Variants in COL5A2 observed in about 807,000 individuals in gnomAD.
COL5A2 encodes collagen type V alpha 2 chain.
A neutral mutation model predicts 208.2 loss-of-function variants in COL5A2; 23 were observed. That is an observed-to-expected ratio of 0.11 (90% CI 0.08 to 0.16). The LOEUF is 0.16. COL5A2 is among the 10% of genes least tolerant of loss of function. The probability of loss-of-function intolerance (pLI) is 1.00; values close to 1 mark genes in which losing one functional copy is unlikely to be tolerated. For missense variants in COL5A2, 1,590 were observed against 1,956.4 expected (o/e 0.81, Z 3.53); for synonymous variants, 625 against 628.5 (o/e 0.99, Z 0.08).
At chr2:189,262,580 C>A in the COL5A2 span, among the ~76,000 whole-genome samples, 1 of 151,954 alleles carries the variant, frequency 6.6e-6, no homozygotes, top group Non-Finnish European at 1.5e-5. Context: ...GCTCAGTCTT[C>A]TTTATAAAAA....
chr2:189,083,421 T>C (rs1041485350), intron 12 of COL5A2, among the ~76,000 whole-genome samples: 1 of 151,982 alleles, frequency 6.6e-6, no homozygotes, highest in African/African-American at 2.4e-5. Flanking sequence ...TCAGTGTAAA[T>C]TGTCATGATT....
the COL5A2 span, among the ~76,000 whole-genome samples, chr2:189,276,324 T>C: frequency 6.6e-6 from 1 of 152,202 alleles, no homozygotes; most frequent in South Asian, 2.1e-4. Context: ...AGGGCTTTTA[T>C]TCACTATGTG....
chr2:189,284,786 C>T, the COL5A2 span, among the ~76,000 whole-genome samples: 22 of 152,134 alleles, frequency 1.4e-4, no homozygotes, highest in Middle Eastern at 0.01. Context: ...CTTATACAAA[C>T]GTAGATAGTA....
Position 189,048,368 on chromosome 2 carries a change from C to G in COL5A2, c.3148-106G>C, listed in dbSNP as rs1685714936. 3.1e-6 allele frequency: 3 copies of G among 976,358 alleles called. No homozygotes were observed. In the Admixed American group the frequency reaches 5.8e-5, roughly 19 times the overall value. 60.5% of individuals were successfully genotyped at this position (976,358 alleles called of 1,614,324 possible). ...ATGTTTTACACCTGTGTTTTATAAACTGTCAGTTAGCATTTATGCAAATGT... is the reference window on the plus strand; with the variant it reads ...ATGTTTTACACCTGTGTTTTATAAAGTGTCAGTTAGCATTTATGCAAATGT... On this transcript the variant is annotated intron_variant, in intron 44 of 53. Coordinates refer to ENST00000374866, the MANE Select transcript of COL5A2 (RefSeq NM_000393.5).
At chr2:189,359,225 T>G in the COL5A2 span, among the ~76,000 whole-genome samples, 4 of 152,278 alleles carry the variant, frequency 2.6e-5, no homozygotes, top group South Asian at 8.3e-4. Context: ...AATATGGTCT[T>G]TATTTTGTTG....
intron 1 of COL5A2, among the ~76,000 whole-genome samples, chr2:189,196,025 C>T (rs1029192432): frequency 1.3e-5 from 2 of 152,078 alleles, no homozygotes; most frequent in African/African-American, 2.4e-5. Flanking sequence ...AGGCAATCTA[C>T]AGAATGGGAG....
At chr2:189,134,514 G>A (rs4428040) in intron 1 of COL5A2, among the ~76,000 whole-genome samples, 89,689 of 151,660 alleles carry the variant, frequency 0.59, 27,977 homozygotes, top group East Asian at 0.78. Context: ...GCTTGAACTC[G>A]GATGGCGGAG....
chr2:189,311,319 G>A, the COL5A2 span: 3 of 1,109,818 alleles, frequency 2.7e-6, no homozygotes, highest in East Asian at 7.0e-5. Flanking sequence ...TCCACTATCT[G>A]GCAGGTGGTG....
At chr2:189,362,197 T>C in the COL5A2 span, among the ~76,000 whole-genome samples, 1 of 152,108 alleles carries the variant, frequency 6.6e-6, no homozygotes. Context: ...CTTGAATCTT[T>C]TGAAAAAGCT....
chr2:189,346,188 T>C, the COL5A2 span, among the ~76,000 whole-genome samples: 26 of 152,168 alleles, frequency 1.7e-4, no homozygotes, highest in Non-Finnish European at 3.5e-4. Flanking sequence ...GTAAAGAAAA[T>C]TGGATTGGGG....
At chr2:189,163,500 C>T (rs572390515) in intron 1 of COL5A2, among the ~76,000 whole-genome samples, 1 of 152,260 alleles carries the variant, frequency 6.6e-6, no homozygotes, top group Admixed American at 6.5e-5. Flanking sequence ...CATCTAGGAA[C>T]TTTATTGTAG....
At chr2:189,072,661 A>G (rs2105614872) in intron 17 of COL5A2, among the ~76,000 whole-genome samples, 1 of 150,144 alleles carries the variant, frequency 6.7e-6, no homozygotes, top group South Asian at 2.1e-4. Context: ...AATCCCAGCT[A>G]CTTGGGAGGC....
At chr2:189,225,946 G>T (rs1689411648), upstream of COL5A2, among the ~76,000 whole-genome samples, 1 of 152,108 alleles carries the variant, frequency 6.6e-6, no homozygotes, top group Non-Finnish European at 1.5e-5. Context: ...TTAATTCCCA[G>T]TTCTTCTATT....
chr2:189,322,776 G>A, the COL5A2 span, among the ~76,000 whole-genome samples: 13 of 152,252 alleles, frequency 8.5e-5, 1 homozygote, highest in South Asian at 2.7e-3. Flanking sequence ...CATTCCTTCC[G>A]AAACTACTCC....
intron 3 of COL5A2, among the ~76,000 whole-genome samples, chr2:189,102,034 C>T (rs1461728354): frequency 6.6e-6 from 1 of 151,902 alleles, no homozygotes; most frequent in Admixed American, 6.6e-5. Context: ...AGATATTTTT[C>T]AAAATGCTGA....
chr2:189,341,567 T>C, the COL5A2 span, among the ~76,000 whole-genome samples: 3 of 152,254 alleles, frequency 2.0e-5, no homozygotes, highest in South Asian at 4.1e-4. Context: ...AGGGACAAAC[T>C]AAGAACAAGC....
chr2:189,322,361 A>G, the COL5A2 span, among the ~76,000 whole-genome samples: 4 of 152,174 alleles, frequency 2.6e-5, no homozygotes, highest in South Asian at 8.3e-4. Flanking sequence ...GACACAAAAA[A>G]CCCTTCAAAA....
chr2:189,151,505 A>C (rs1688141556), intron 1 of COL5A2, among the ~76,000 whole-genome samples: 1 of 152,168 alleles, frequency 6.6e-6, no homozygotes, highest in Non-Finnish European at 1.5e-5. Flanking sequence ...TAAATGTTTA[A>C]ACAGTAAGGA....
intron 1 of COL5A2, among the ~76,000 whole-genome samples, chr2:189,145,238 G>A (rs1382526478): frequency 6.6e-6 from 1 of 152,086 alleles, no homozygotes; most frequent in Non-Finnish European, 1.5e-5. Flanking sequence ...TACTCCAATA[G>A]AAATTTTACT....
Sources: gnomAD v4.1 joint callset for allele counts (sites outside exome capture counted in the v4.1 genomes callset) on GRCh38, gnomAD v4.1.1 for gene constraint, MANE v1.5 for transcripts, NCBI Gene and HGNC (gene_info 2026-07-23, HGNC 2026-07-21) for gene names.